Variants in CAMTA1 observed in about 807,000 individuals in gnomAD.
CAMTA1 encodes calmodulin binding transcription activator 1.
A neutral mutation model predicts 170.9 loss-of-function variants in CAMTA1; 27 were observed. That is an observed-to-expected ratio of 0.16 (90% CI 0.12 to 0.22). CAMTA1 has a LOEUF of 0.22. CAMTA1 is among the 10% of genes least tolerant of loss of function. The probability of loss-of-function intolerance (pLI) is 1.00; values close to 1 mark genes in which losing one functional copy is unlikely to be tolerated. For missense variants in CAMTA1, 1,619 were observed against 2,217.2 expected (o/e 0.73, Z 5.42); for synonymous variants, 833 against 891.5 (o/e 0.93, Z 1.17).
At chr1:7,238,921 G>T (rs369171543) in intron 4 of CAMTA1, among the ~76,000 whole-genome samples, 2 of 152,194 alleles carry the variant, frequency 1.3e-5, no homozygotes, top group Non-Finnish European at 2.9e-5. Context: ...AGCTATCGTG[G>T]CCGAGCATTC....
At chr1:6,943,011 G>A (rs1308104581) in intron 3 of CAMTA1, among the ~76,000 whole-genome samples, 1 of 152,104 alleles carries the variant, frequency 6.6e-6, no homozygotes, top group African/African-American at 2.4e-5. Context: ...GATTTCTGTT[G>A]GGGGCCTTCG....
chr1:7,289,842 C>G (rs1328810270), intron 5 of CAMTA1, among the ~76,000 whole-genome samples: 1 of 152,148 alleles, frequency 6.6e-6, no homozygotes, highest in East Asian at 1.9e-4. Flanking sequence ...CTGGAAGAGA[C>G]AAGGAAGGCT....
intron 3 of CAMTA1, among the ~76,000 whole-genome samples, chr1:6,846,035 TGA>T (rs1390631030): frequency 1.3e-5 from 2 of 152,158 alleles, no homozygotes; most frequent in Non-Finnish European, 1.5e-5. Context: ...TCAGATCTCT[TGA>T]GACTCATTCA....
intron 4 of CAMTA1, among the ~76,000 whole-genome samples, chr1:7,109,572 A>C (rs1470108333): frequency 6.6e-6 from 1 of 152,268 alleles, no homozygotes; most frequent in East Asian, 1.9e-4. Flanking sequence ...AATCCCTCCT[A>C]ACACAGCTCT....
intron 17 of CAMTA1, 125 bp downstream of exon 17, chr1:7,745,147 T>G (rs1393136106): frequency 2.8e-5 from 26 of 937,720 alleles, no homozygotes; most frequent in South Asian, 1.0e-4. Context: ...GAAGGAAGCA[T>G]GAGGACAAGC....
Position 7,732,391 on chromosome 1 carries a change from G to T in CAMTA1, c.2915-57G>T. ...GGTCCCGCAAGGCTGGCGAGGCCACGTGTTGACTGCTTTTCTTCCAGAACA... is the reference window on the plus strand; with the variant it reads ...GGTCCCGCAAGGCTGGCGAGGCCACTTGTTGACTGCTTTTCTTCCAGAACA... On this transcript the variant is annotated intron_variant, in intron 11 of 22. Coordinates refer to ENST00000303635, the MANE Select transcript of CAMTA1 (RefSeq NM_015215.4). This position sits in a 1 kb window ranked among gnomAD's most constrained non-coding sequence, Gnocchi z 4.1. 4 of 1,523,806 alleles carry T rather than the reference G, an allele frequency of 2.6e-6. No individual in the cohort carries two copies. Among genetic ancestry groups the T allele is most frequent in the East Asian group, 2.3e-5 (1 of 44,286 alleles). 94.4% of individuals were successfully genotyped at this position (1,523,806 alleles called of 1,614,324 possible).
chr1:7,052,171 C>G (rs1294510705), intron 3 of CAMTA1, among the ~76,000 whole-genome samples: 2 of 152,192 alleles, frequency 1.3e-5, no homozygotes, highest in Non-Finnish European at 2.9e-5. Context: ...TCACGCCCCA[C>G]TGCTGCTTGT....
intron 6 of CAMTA1, among the ~76,000 whole-genome samples, chr1:7,600,689 C>G (rs1378268272): frequency 1.3e-5 from 2 of 151,914 alleles, no homozygotes; most frequent in Admixed American, 6.6e-5. Flanking sequence ...TGACTCTTAA[C>G]AAGCATGCTG....
chr1:7,513,064 A>G (rs1490728326), intron 6 of CAMTA1, among the ~76,000 whole-genome samples: 1 of 152,104 alleles, frequency 6.6e-6, no homozygotes, highest in Admixed American at 6.5e-5. Context: ...TCCCATCCCA[A>G]CACCACCCCG....
In CAMTA1 at chr1:7,751,358, C is replaced by T. The variant is rs769188211; in HGVS notation, c.4849C>T (p.Arg1617Cys). 8 of 1,608,052 alleles carry T rather than the reference C, an allele frequency of 5.0e-6. No individual in the cohort carries two copies. Among genetic ancestry groups the T allele is most frequent in the Admixed American group, 3.4e-5 (2 of 58,280 alleles). The stretch of plus-strand genomic sequence containing the variant: ...GAAATGTGGCAAAAGACGGCAGGCT[C>T]GCCGGACGGCTGTGATTGTACAACA... ...YKKCGKRRQA[R>C]RTAVIVQQKL... Residue 1617 changes from arginine to cysteine, a missense_variant, in exon 20 of 23, where the codon CGC becomes TGC. Arg to Cys is a radical substitution (Grantham distance 180, BLOSUM62 -3). This residue lies in a region of CAMTA1 where 128 missense variants were observed against 213.5 expected (regional missense o/e 0.60). Transcript: ENST00000303635.
chr1:7,485,795 G>C (rs1235737845), intron 6 of CAMTA1, among the ~76,000 whole-genome samples: 1 of 152,246 alleles, frequency 6.6e-6, no homozygotes, highest in East Asian at 1.9e-4. Context: ...TAGCAGAAGA[G>C]CTGGGCTTGA....
intron 3 of CAMTA1, among the ~76,000 whole-genome samples, chr1:7,089,767 G>A (rs1328478244): frequency 6.6e-6 from 1 of 152,130 alleles, no homozygotes; most frequent in African/African-American, 2.4e-5. Flanking sequence ...TGCCAACTGG[G>A]GGAAGGTGCC....
At chr1:7,192,331 C>T (rs977998039) in intron 4 of CAMTA1, among the ~76,000 whole-genome samples, 4 of 152,224 alleles carry the variant, frequency 2.6e-5, no homozygotes, top group African/African-American at 7.2e-5. Flanking sequence ...AAAGCCATGA[C>T]GCTTGGCCTT....
chr1:7,216,718 C>T lies in CAMTA1; in HGVS notation c.303-32773C>T, dbSNP rs1659810827. Reference sequence around the variant, plus strand: ...TAGAGATAGGGTTTTGTCATGTTGGCCAGGCTGGTCTTGAACTCCTGACTT... The same window carrying T: ...TAGAGATAGGGTTTTGTCATGTTGGTCAGGCTGGTCTTGAACTCCTGACTT... On this transcript the variant is annotated intron_variant, in intron 4 of 22. Coordinates refer to ENST00000303635, the MANE Select transcript of CAMTA1 (RefSeq NM_015215.4). The surrounding 1 kb of genome is among the most constrained non-coding windows in gnomAD (Gnocchi z 4.0). 6.6e-6 allele frequency among the ~76,000 whole-genome samples: 1 copy of T among 152,064 alleles called. No individual in the cohort carries two copies.
intron 3 of CAMTA1, among the ~76,000 whole-genome samples, chr1:6,879,617 T>TC (rs1259911749): frequency 6.7e-6 from 1 of 149,944 alleles, no homozygotes; most frequent in Admixed American, 6.6e-5. Flanking sequence ...TTTTTTCTTT[T>TC]TTTTTTTTTT....
intron 6 of CAMTA1, among the ~76,000 whole-genome samples, chr1:7,598,060 T>C (rs2095414050): frequency 6.6e-6 from 1 of 151,840 alleles, no homozygotes; most frequent in Non-Finnish European, 1.5e-5. Context: ...ACATTAGGTA[T>C]ATCTCCTAAT....
intron 5 of CAMTA1, among the ~76,000 whole-genome samples, chr1:7,422,411 G>A (rs550591343): frequency 2.6e-5 from 4 of 152,026 alleles, no homozygotes; most frequent in Non-Finnish European, 2.9e-5. Flanking sequence ...CGGCTTCCAC[G>A]GACAGGCGAG....
chr1:6,914,151 C>CTGGA (rs1028960880), intron 3 of CAMTA1, among the ~76,000 whole-genome samples: 25 of 140,288 alleles, frequency 1.8e-4, no homozygotes, highest in Non-Finnish European at 3.0e-4. Flanking sequence ...TTTGCCCAGG[C>CTGGA]TGGAGTGCAA....
intron 6 of CAMTA1, among the ~76,000 whole-genome samples, chr1:7,611,737 G>A (rs2095525092): frequency 1.3e-5 from 2 of 152,240 alleles, no homozygotes; most frequent in African/African-American, 4.8e-5. Flanking sequence ...CGCTGCCAGG[G>A]TAAGGTGGGG....
Sources: gnomAD v4.1 joint callset for allele counts (sites outside exome capture counted in the v4.1 genomes callset) on GRCh38, gnomAD v4.1.1 for gene constraint, gnomAD v4.1.1 regional missense constraint, Gnocchi (gnomAD v3.1) non-coding constraint, MANE v1.5 for transcripts, NCBI Gene and HGNC (gene_info 2026-07-23, HGNC 2026-07-21) for gene names.